TP63: variants seen among roughly 807,000 people sequenced by gnomAD.
The protein encoded by TP63 is tumor protein 63.
In TP63, 17 loss-of-function variants were observed where a neutral mutation model predicts 82.8. The ratio of observed to expected loss-of-function variants is 0.21; its 90% CI spans 0.14 to 0.31. The LOEUF (loss-of-function observed/expected upper bound fraction) is 0.31, where lower values mean the gene tolerates loss of function less well. Among genes scored for constraint, TP63 ranks in the 10% least tolerant of loss-of-function variants. The pLI is 1.00. For missense variants in TP63, 648 were observed against 895.3 expected (o/e 0.72, Z 3.52); for synonymous variants, 330 against 321.7 (o/e 1.03, Z -0.28).
At chr3:189,740,527 T>C (rs1344482883) in intron 3 of TP63, among the ~76,000 whole-genome samples, 4 of 152,148 alleles carry the variant, frequency 2.6e-5, no homozygotes, top group Non-Finnish European at 4.4e-5. Flanking sequence ...ATGAGCAGGG[T>C]CTCCCTCTGT....
intron 3 of TP63, among the ~76,000 whole-genome samples, chr3:189,779,590 A>C (rs1403916328): frequency 1.3e-5 from 2 of 152,196 alleles, no homozygotes; most frequent in Non-Finnish European, 2.9e-5. Context: ...ATTCCTGCAC[A>C]ATGTTCAGGC....
At chr3:189,771,083 C>A (rs1257978227) in intron 3 of TP63, among the ~76,000 whole-genome samples, 2 of 151,496 alleles carry the variant, frequency 1.3e-5, no homozygotes, top group African/African-American at 4.9e-5. Context: ...CACTTAACTT[C>A]ATTAGTGAAC....
intron 1 of TP63, among the ~76,000 whole-genome samples, chr3:189,656,094 T>C (rs1713329528): frequency 6.6e-6 from 1 of 152,174 alleles, no homozygotes; most frequent in African/African-American, 2.4e-5. Flanking sequence ...AAACATAAAA[T>C]ATTTACTTTT....
At chr3:189,714,503 A>C (rs1175240287) in intron 1 of TP63, among the ~76,000 whole-genome samples, 2 of 152,212 alleles carry the variant, frequency 1.3e-5, no homozygotes, top group Non-Finnish European at 2.9e-5. Flanking sequence ...TTCGTACACC[A>C]ATTATGCGGA....
intron 3 of TP63, among the ~76,000 whole-genome samples, chr3:189,780,453 A>C (rs1724142940): frequency 6.6e-6 from 1 of 152,192 alleles, no homozygotes; most frequent in East Asian, 1.9e-4. Flanking sequence ...GCACTCTTGA[A>C]GTTGGATTTG....
At chr3:189,639,398 GAATT>G (rs1026861130) in intron 1 of TP63, among the ~76,000 whole-genome samples, 10 of 152,062 alleles carry the variant, frequency 6.6e-5, no homozygotes, top group African/African-American at 2.4e-4. Context: ...TAGATTGTGG[GAATT>G]AATTCTTGCT....
intron 1 of TP63, among the ~76,000 whole-genome samples, chr3:189,724,550 C>T (rs937291937): frequency 2.6e-5 from 4 of 152,174 alleles, no homozygotes; most frequent in Admixed American, 6.5e-5. Flanking sequence ...GGCTTAGCTC[C>T]CACTTATGAG....
At chr3:189,773,746 T>G (rs929761963) in intron 3 of TP63, among the ~76,000 whole-genome samples, 1 of 152,022 alleles carries the variant, frequency 6.6e-6, no homozygotes, top group African/African-American at 2.4e-5. Flanking sequence ...GTTTATGTCA[T>G]GTGAGGGTAT....
At chr3:189,788,996 A>T (rs1724853178) in intron 3 of TP63, among the ~76,000 whole-genome samples, 1 of 151,730 alleles carries the variant, frequency 6.6e-6, no homozygotes. Flanking sequence ...TTTCCCGTAC[A>T]TAATATGGAT....
chr3:189,657,245 G>A (rs1474306741), intron 1 of TP63, among the ~76,000 whole-genome samples: 3 of 152,040 alleles, frequency 2.0e-5, no homozygotes, highest in Non-Finnish European at 4.4e-5. Flanking sequence ...AAACTATTCT[G>A]TATAATACTG....
chr3:189,857,592 G>A (rs1437089546), intron 4 of TP63, among the ~76,000 whole-genome samples: 24 of 152,116 alleles, frequency 1.6e-4, no homozygotes, highest in Admixed American at 1.6e-3. Flanking sequence ...TCTGATAAAA[G>A]ACTTGTAGCC....
At chr3:189,647,168 T>C (rs1374375215) in intron 1 of TP63, among the ~76,000 whole-genome samples, 2 of 146,500 alleles carry the variant, frequency 1.4e-5, no homozygotes, top group African/African-American at 2.6e-5. Context: ...AGCTCACAGG[T>C]GGTTAGTTTT....
intron 3 of TP63, among the ~76,000 whole-genome samples, chr3:189,781,459 A>G (rs758985987): frequency 6.6e-6 from 1 of 152,318 alleles, no homozygotes; most frequent in African/African-American, 2.4e-5. Context: ...CACATATGCT[A>G]TAACTAAAGG....
At chr3:189,893,480 C>T (rs1453259126) in intron 13 of TP63, among the ~76,000 whole-genome samples, 1 of 152,200 alleles carries the variant, frequency 6.6e-6, no homozygotes, top group African/African-American at 2.4e-5. Flanking sequence ...GTGATATCAC[C>T]ACAGTCAGTT....
intron 13 of TP63, among the ~76,000 whole-genome samples, chr3:189,893,937 A>G (rs1254283528): frequency 1.3e-5 from 2 of 152,040 alleles, no homozygotes; most frequent in Non-Finnish European, 2.9e-5. Flanking sequence ...TCATCTAGCT[A>G]TTATCCCAAT....
chr3:189,663,782 A>C (rs899586601), intron 1 of TP63, among the ~76,000 whole-genome samples: 6 of 151,292 alleles, frequency 4.0e-5, no homozygotes, highest in Non-Finnish European at 8.8e-5. Flanking sequence ...CCCACCTCAG[A>C]CTCCCAAAAT....
chr3:189,837,796 T>A (rs895993814), intron 4 of TP63, among the ~76,000 whole-genome samples: 1 of 152,080 alleles, frequency 6.6e-6, no homozygotes, highest in Non-Finnish European at 1.5e-5. Flanking sequence ...TTATGTATTT[T>A]TTTTTTCTTT....
chr3:189,600,438 T>C, the TP63 span, among the ~76,000 whole-genome samples: 2 of 152,210 alleles, frequency 1.3e-5, no homozygotes, highest in Non-Finnish European at 1.5e-5. Flanking sequence ...TCTTTAATTA[T>C]TGCAATGGCC....
At chr3:189,748,545 G>GA (rs1482879791) in intron 3 of TP63, among the ~76,000 whole-genome samples, 1 of 98,358 alleles carries the variant, frequency 1.0e-5, no homozygotes, top group African/African-American at 3.7e-5. Flanking sequence ...GCGGGGGACA[G>GA]AAAAAAAATG....
Sources: gnomAD v4.1 joint callset for allele counts (sites outside exome capture counted in the v4.1 genomes callset) on GRCh38, gnomAD v4.1.1 for gene constraint, MANE v1.5 for transcripts, NCBI Gene and HGNC (gene_info 2026-07-23, HGNC 2026-07-21) for gene names.